GALNT14: variants seen among roughly 807,000 people sequenced by gnomAD.
GALNT14 encodes UDP-GalNAc:polypeptide N-acetylgalactosaminyltransferase 14.
Under a neutral mutation model 77.5 loss-of-function variants are expected in GALNT14, and 60 were observed. The ratio of observed to expected loss-of-function variants is 0.77; its 90% CI spans 0.63 to 0.96. The LOEUF (loss-of-function observed/expected upper bound fraction) is 0.96, where lower values mean the gene tolerates loss of function less well. Ranked by LOEUF, GALNT14 falls within the 40% of genes least tolerant of loss-of-function variation. The pLI, the probability that GALNT14 is intolerant of heterozygous loss-of-function variation, is 0.00. For missense variants in GALNT14, 710 were observed against 731.0 expected (o/e 0.97, Z 0.33); for synonymous variants, 280 against 281.7 (o/e 0.99, Z 0.06).
chr2:30,892,658 G>C, the GALNT14 span, among the ~76,000 whole-genome samples: 3 of 152,194 alleles, frequency 2.0e-5, no homozygotes, highest in African/African-American at 7.2e-5. Context: ...CCATCATAAA[G>C]GTTTGGGCTC....
At chr2:30,948,597 T>C (rs1450489854) in intron 6 of GALNT14, among the ~76,000 whole-genome samples, 1 of 152,184 alleles carries the variant, frequency 6.6e-6, no homozygotes, top group Admixed American at 6.5e-5. Context: ...CTCACAACCT[T>C]GCTAGGAAAA....
intron 2 of GALNT14, among the ~76,000 whole-genome samples, chr2:30,971,769 C>G (rs560575327): frequency 6.6e-6 from 1 of 152,014 alleles, no homozygotes; most frequent in Non-Finnish European, 1.5e-5. Context: ...CCACCCTGCA[C>G]CTGAATATGT....
At chr2:30,909,903 C>T (rs1664258887), downstream of GALNT14, among the ~76,000 whole-genome samples, 1 of 151,876 alleles carries the variant, frequency 6.6e-6, no homozygotes, top group South Asian at 2.1e-4. Flanking sequence ...AGTGCATGTC[C>T]TTTGTAGGGA....
the GALNT14 span, among the ~76,000 whole-genome samples, chr2:30,904,681 A>G: frequency 1.7e-4 from 26 of 152,182 alleles, no homozygotes; most frequent in South Asian, 4.2e-4. Flanking sequence ...CAAAGCAGCC[A>G]GGAAGCTCGA....
intron 1 of GALNT14, among the ~76,000 whole-genome samples, chr2:31,097,524 CA>C (rs56242365): frequency 0.069 from 9,485 of 137,214 alleles, 438 homozygotes; most frequent in African/African-American, 0.14. Flanking sequence ...AACAAACAAG[CA>C]AAAAAAAAAA....
At chr2:31,010,020 C>T (rs900837752) in intron 1 of GALNT14, among the ~76,000 whole-genome samples, 2 of 152,230 alleles carry the variant, frequency 1.3e-5, no homozygotes, top group African/African-American at 4.8e-5. Context: ...TAGTCTTGCT[C>T]TGTCACCCAT....
intron 9 of GALNT14, among the ~76,000 whole-genome samples, chr2:30,938,384 A>ACACACTCT (rs1174119035): frequency 1.1e-4 from 15 of 141,692 alleles, no homozygotes; most frequent in African/African-American, 3.1e-4. Context: ...ACACACACAC[A>ACACACTCT]CTCTCTCTCT....
At chr2:30,965,168 G>A (rs1667926503) in intron 3 of GALNT14, among the ~76,000 whole-genome samples, 1 of 152,038 alleles carries the variant, frequency 6.6e-6, no homozygotes, top group Non-Finnish European at 1.5e-5. Flanking sequence ...TCCCTACTCA[G>A]GCTGACAAGA....
chr2:30,988,941 C>T (rs369293251), intron 2 of GALNT14, among the ~76,000 whole-genome samples: 7 of 152,094 alleles, frequency 4.6e-5, no homozygotes, highest in Non-Finnish European at 1.0e-4. Context: ...AAGTGTGATC[C>T]GTGGACTAGC....
At chr2:30,970,373 C>T (rs77485554) in intron 2 of GALNT14, among the ~76,000 whole-genome samples, 3,883 of 152,284 alleles carry the variant, frequency 0.025, 151 homozygotes, top group East Asian at 0.21. Context: ...AGCTTCAAGA[C>T]TGTTCCCTGT....
chr2:30,964,845 T>TA (rs1667899697), intron 3 of GALNT14, among the ~76,000 whole-genome samples: 2 of 152,148 alleles, frequency 1.3e-5, no homozygotes, highest in Admixed American at 1.3e-4. Flanking sequence ...CTGCAGGACT[T>TA]ACCTCCCATC....
intron 1 of GALNT14, among the ~76,000 whole-genome samples, chr2:31,012,212 G>A (rs372322727): frequency 2.0e-5 from 3 of 152,244 alleles, no homozygotes; most frequent in African/African-American, 7.2e-5. Context: ...ACAGAATAAA[G>A]GCCAAGTTCT....
chr2:31,105,942 C>A (rs933290072), intron 1 of GALNT14, among the ~76,000 whole-genome samples: 1 of 152,108 alleles, frequency 6.6e-6, no homozygotes, highest in Non-Finnish European at 1.5e-5. Flanking sequence ...GTAAAAAACA[C>A]GGTTCCTATT....
intron 13 of GALNT14, among the ~76,000 whole-genome samples, chr2:30,919,025 T>A (rs1664874421): frequency 1.3e-5 from 2 of 152,198 alleles, no homozygotes; most frequent in South Asian, 4.1e-4. Flanking sequence ...CCACCTTGCA[T>A]GCTCCACAGC....
intron 2 of GALNT14, among the ~76,000 whole-genome samples, chr2:30,992,508 G>GAA (rs1048845003): frequency 6.6e-6 from 1 of 152,134 alleles, no homozygotes; most frequent in African/African-American, 2.4e-5. Flanking sequence ...ATCTGCCAGG[G>GAA]AAAAACAGGC....
intron 11 of GALNT14, among the ~76,000 whole-genome samples, chr2:30,928,759 G>A (rs1665541289): frequency 6.6e-6 from 1 of 152,014 alleles, no homozygotes; most frequent in Non-Finnish European, 1.5e-5. Flanking sequence ...TGGGACTACA[G>A]GTGCCCGCCA....
chr2:31,016,324 C>T (rs77682809), intron 1 of GALNT14, among the ~76,000 whole-genome samples: 3,617 of 152,184 alleles, frequency 0.024, 132 homozygotes, highest in African/African-American at 0.083. Flanking sequence ...TTGTATTATG[C>T]CAACCTTGAT....
At chr2:30,963,092 G>C (rs369152743) in intron 3 of GALNT14, among the ~76,000 whole-genome samples, 1 of 152,114 alleles carries the variant, frequency 6.6e-6, no homozygotes. Flanking sequence ...GTCTGAGCTC[G>C]GGGCTGGCTG....
intron 6 of GALNT14, among the ~76,000 whole-genome samples, chr2:30,953,099 T>A (rs569378940): frequency 8.6e-4 from 131 of 152,286 alleles, no homozygotes; most frequent in African/African-American, 3.0e-3. Context: ...TAGTTTTTGT[T>A]TAACATACTC....
Sources: gnomAD v4.1 joint callset for allele counts (sites outside exome capture counted in the v4.1 genomes callset) on GRCh38, gnomAD v4.1.1 for gene constraint, MANE v1.5 for transcripts, NCBI Gene and HGNC (gene_info 2026-07-23, HGNC 2026-07-21) for gene names.